TNFRSF10D: variants seen among roughly 807,000 people sequenced by gnomAD.
TNFRSF10D encodes the protein tumor necrosis factor receptor superfamily member 10D.
TNFRSF10D carries 28 observed loss-of-function variants against 42.1 expected under a neutral mutation model. That is an observed-to-expected ratio of 0.66 (90% confidence interval 0.49 to 0.91). The LOEUF (loss-of-function observed/expected upper bound fraction) is 0.91, where lower values mean the gene tolerates loss of function less well. Among genes scored for constraint, TNFRSF10D ranks in the 40% least tolerant of loss-of-function variants. The probability of loss-of-function intolerance (pLI) is 0.00; values close to 1 mark genes in which losing one functional copy is unlikely to be tolerated. For synonymous variants in TNFRSF10D, 186 were observed against 189.4 expected (o/e 0.98, Z 0.15); for missense variants, 503 against 486.1 (o/e 1.03, Z -0.33).
chr8:23,145,867 C>T lies in TNFRSF10D; in HGVS notation c.537G>A (p.Lys179=). 6.2e-7 allele frequency: 1 copy of T among 1,613,932 alleles called. No homozygotes were observed. Among genetic ancestry groups the T allele is most frequent in the Non-Finnish European group, 8.5e-7 (1 of 1,180,034 alleles). The part of the protein sequence containing the change: ...VSNCTPRSDI[K]CKNESAASST... ...AACTGGCAGCTGATTCATTTTTGCA[C>T]TTGATGTCACTCCGGGGCGTACAAT... Residue 179 remains lysine, a synonymous_variant, in exon 5 of 9, where the codon AAG becomes AAA. Coordinates refer to ENST00000312584, the MANE Select transcript of TNFRSF10D (RefSeq NM_003840.5).
At position 23,163,833 on chromosome 8, in the gene TNFRSF10D, G is replaced by A. The variant is rs11135703; in HGVS notation, c.103C>T (p.Pro35Ser). ...ASGTRPWLLD[P>S]KILKFVVFIV... ...AAGACGACGAACTTAAGGATCTTGG[G>A]GTCCAGGAGCCATGGTCTGGTTCCC... The change falls in exon 1 of 9, where the codon CCC becomes TCC. Residue 35 changes from proline to serine, a missense_variant. By Grantham distance (74) the Pro-to-Ser change is moderately conservative. Coordinates refer to ENST00000312584, the MANE Select transcript of TNFRSF10D (RefSeq NM_003840.5). 0.15 allele frequency: 235,149 copies of A among 1,606,586 alleles called. 24,758 individuals carry two copies. Among genetic ancestry groups the A allele is most frequent in the East Asian group, 0.6 (26,246 of 43,874 alleles).
In TNFRSF10D at chr8:23,144,524, C is replaced by G. The variant is rs1563356118; in HGVS notation, c.880G>C (p.Glu294Gln). Residue 294 changes from glutamate (E) to glutamine (Q), a missense_variant, in exon 7 of 9, where the codon GAA (glutamate) becomes CAA (glutamine). Physicochemically the swap from Glu to Gln is conservative, Grantham distance 29. Coordinates refer to ENST00000312584, the MANE Select transcript of TNFRSF10D (RefSeq NM_003840.5). Reference protein sequence around the residue: ...YLQPTQVSEQEIQGQELAELT... With the variant: ...YLQPTQVSEQQIQGQELAELT... The stretch of plus-strand genomic sequence containing the variant: ...TCTGCCAGCTCCTGACCTTGGATTT[C>G]CTGCTCAGAGACCTGGGTGGGCTGC... 1 of 1,614,218 alleles carries G rather than the reference C, an allele frequency of 6.2e-7. No homozygotes were observed. Among genetic ancestry groups the G allele is most frequent in the Non-Finnish European group, 8.5e-7 (1 of 1,180,040 alleles).
intron 2 of TNFRSF10D, among the ~76,000 whole-genome samples, chr8:23,148,793 A>G (rs113495353): frequency 6.7e-6 from 1 of 149,830 alleles, no homozygotes. Context: ...CCACATTAAA[A>G]TAGTACAAAG....
intron 2 of TNFRSF10D, among the ~76,000 whole-genome samples, chr8:23,153,932 G>A (rs1800240783): frequency 6.6e-6 from 1 of 152,188 alleles, no homozygotes; most frequent in African/African-American, 2.4e-5. Flanking sequence ...CATGTGCATT[G>A]GAGCATTATT....
At chr8:23,146,864 G>A in intron 4 of TNFRSF10D, 97 bp downstream of exon 4, 1 of 1,082,594 alleles carries the variant, frequency 9.2e-7, no homozygotes, top group East Asian at 2.4e-5. Flanking sequence ...CTCGGGCCTG[G>A]AGGATCCATG....
intron 1 of TNFRSF10D, among the ~76,000 whole-genome samples, chr8:23,163,042 C>T (rs1460190380): frequency 6.6e-6 from 1 of 151,042 alleles, no homozygotes; most frequent in Non-Finnish European, 1.5e-5. Context: ...CTGCCTCAGC[C>T]TCCTGAGTAG....
At chr8:23,152,537 C>G (rs115861715) in intron 2 of TNFRSF10D, among the ~76,000 whole-genome samples, 1 of 152,098 alleles carries the variant, frequency 6.6e-6, no homozygotes, top group East Asian at 1.9e-4. Context: ...TGTGCTAGAT[C>G]AAAAACAATT....
chr8:23,146,005 A>G, intron 4 of TNFRSF10D, 84 bp from the exon 5 acceptor site: 2 of 1,596,114 alleles, frequency 1.3e-6, no homozygotes, highest in South Asian at 2.2e-5. Context: ...CTCCCTGCCC[A>G]AAGTCCCTGA....
chr8:23,152,542 A>G (rs1163051521), intron 2 of TNFRSF10D, among the ~76,000 whole-genome samples: 1 of 152,222 alleles, frequency 6.6e-6, no homozygotes, highest in African/African-American at 2.4e-5. Context: ...TAGATCAAAA[A>G]CAATTGAACA....
chr8:23,149,960 G>A (rs114876939), intron 2 of TNFRSF10D, among the ~76,000 whole-genome samples: 2,102 of 152,192 alleles, frequency 0.014, 49 homozygotes, highest in African/African-American at 0.048. Flanking sequence ...CCATTAGCAC[G>A]GTGCCTGACT....
At chr8:23,156,412 T>G (rs939539306) in intron 1 of TNFRSF10D, among the ~76,000 whole-genome samples, 1 of 152,162 alleles carries the variant, frequency 6.6e-6, no homozygotes, top group African/African-American at 2.4e-5. Flanking sequence ...GCCTGCCTAG[T>G]AGTTGGTGAC....
intron 2 of TNFRSF10D, among the ~76,000 whole-genome samples, chr8:23,149,767 C>T (rs1469768568): frequency 9.2e-5 from 14 of 152,040 alleles, no homozygotes; most frequent in Non-Finnish European, 1.5e-5. Context: ...TATCCCTGTC[C>T]AGCTTTGGAG....
chr8:23,154,601 G>A (rs147432112), intron 2 of TNFRSF10D, among the ~76,000 whole-genome samples: 18 of 150,286 alleles, frequency 1.2e-4, no homozygotes, highest in African/African-American at 3.8e-4. Context: ...TTGCAACCAC[G>A]GATGCAACAC....
intron 2 of TNFRSF10D, among the ~76,000 whole-genome samples, chr8:23,154,346 T>A (rs116739267): frequency 5.3e-4 from 81 of 152,330 alleles, no homozygotes; most frequent in Admixed American, 3.7e-3. Context: ...CAGTCCTGCC[T>A]TCTATTCACA....
chr8:23,144,470 C>G lies in TNFRSF10D; in HGVS notation c.934G>C (p.Glu312Gln). The change falls in exon 7 of 9, where the codon GAG (glutamate) becomes CAG (glutamine). Residue 312 changes from glutamate (E) to glutamine (Q), a missense_variant. Glu to Gln is a conservative substitution (Grantham distance 29). Coordinates refer to ENST00000312584, the MANE Select transcript of TNFRSF10D (RefSeq NM_003840.5). ...ELTGVTVELP[E>Q]EPQRLLEQAE... ...CTCACCAGCAGACGCTGTGGCTCCTCTGGCAACTCTACAGTCACACCTGTT... is the reference window on the plus strand; with the variant it reads ...CTCACCAGCAGACGCTGTGGCTCCTGTGGCAACTCTACAGTCACACCTGTT... 4.3e-6 allele frequency: 7 copies of G among 1,614,128 alleles called. No individual in the cohort carries two copies. The highest frequency in any genetic ancestry group is 5.9e-6 in the Non-Finnish European group (7 of 1,179,938).
chr8:23,155,034 A>G, intron 1 of TNFRSF10D, 55 bp from the exon 2 acceptor site: 2 of 1,365,614 alleles, frequency 1.5e-6, no homozygotes, highest in Non-Finnish European at 2.0e-6. Context: ...TACCTCTCCC[A>G]GGCTCCGTCT....
At chr8:23,147,853 G>C (rs113956448) in intron 3 of TNFRSF10D, among the ~76,000 whole-genome samples, 9,605 of 151,946 alleles carry the variant, frequency 0.063, 1,000 homozygotes, top group African/African-American at 0.22. Context: ...ACGAGGTCAG[G>C]AGATCGAGAC....
intron 1 of TNFRSF10D, among the ~76,000 whole-genome samples, chr8:23,159,915 T>C (rs1289200492): frequency 1.3e-5 from 2 of 152,024 alleles, no homozygotes; most frequent in East Asian, 1.9e-4. Context: ...CTTATGTCAA[T>C]TTAATTCTCA....
chr8:23,163,801 G>T lies in TNFRSF10D; in HGVS notation c.135C>A (p.Val45=), dbSNP rs778832886. 3.1e-6 allele frequency: 5 copies of T among 1,609,360 alleles called. No individual in the cohort carries two copies. In the Admixed American group the frequency reaches 8.4e-5, roughly 27 times the overall value. ...GGAGACTCACCGGCAGCAGAACCGC[G>T]ACGATGAAGACGACGAACTTAAGGA... is the stretch of plus-strand genomic sequence containing the variant. ...PKILKFVVFI[V]AVLLPVRVDS... The change falls in exon 1 of 9, where the codon GTC becomes GTA. Residue 45 remains valine (V), a synonymous_variant. Coordinates refer to ENST00000312584, the MANE Select transcript of TNFRSF10D (RefSeq NM_003840.5).
Sources: allele counts gnomAD v4.1 joint callset (sites outside exome capture counted in the v4.1 genomes callset), GRCh38; gene constraint gnomAD v4.1.1; transcripts MANE v1.5; gene names NCBI Gene and HGNC (gene_info 2026-07-23, HGNC 2026-07-21).